Variants in ADGRL2 observed in about 807,000 individuals in gnomAD.
ADGRL2 encodes the protein adhesion G protein-coupled receptor L2.
A neutral mutation model predicts 157.4 loss-of-function variants in ADGRL2; 44 were observed. The ratio of observed to expected loss-of-function variants is 0.28; its 90% CI spans 0.22 to 0.36. The LOEUF is 0.36. Among genes scored for constraint, ADGRL2 ranks in the 10% least tolerant of loss-of-function variants. The pLI is 1.00. For synonymous variants in ADGRL2, 585 were observed against 624.7 expected (o/e 0.94, Z 0.95); for missense variants, 1,510 against 1,768.9 (o/e 0.85, Z 2.63).
At chr1:81,385,128 A>G (rs1002274089) in intron 1 of ADGRL2, among the ~76,000 whole-genome samples, 9 of 152,250 alleles carry the variant, frequency 5.9e-5, no homozygotes, top group African/African-American at 2.2e-4. Flanking sequence ...ACACCTGGAG[A>G]GAATACTTAA....
intron 1 of ADGRL2, among the ~76,000 whole-genome samples, chr1:81,429,491 G>T (rs1016749809): frequency 1.3e-5 from 2 of 152,204 alleles, no homozygotes; most frequent in Admixed American, 6.5e-5. Flanking sequence ...AAGCAGGCAC[G>T]ATTCAGCCCA....
At chr1:81,794,531 ACAAATTTTTCCC>A (rs1396851518) in intron 2 of ADGRL2, among the ~76,000 whole-genome samples, 1 of 152,220 alleles carries the variant, frequency 6.6e-6, no homozygotes, top group Non-Finnish European at 1.5e-5. Flanking sequence ...CTAACCTAAA[ACAAATTTTTCCC>A]CAAATTTTTC....
intron 4 of ADGRL2, among the ~76,000 whole-genome samples, chr1:81,939,830 G>A (rs888346586): frequency 3.3e-5 from 5 of 151,134 alleles, no homozygotes; most frequent in Non-Finnish European, 5.9e-5. Flanking sequence ...CTGTCCTTTT[G>A]ATTTTCATAA....
intron 2 of ADGRL2, among the ~76,000 whole-genome samples, chr1:81,838,983 T>C (rs709704): frequency 0.36 from 54,131 of 151,792 alleles, 10,847 homozygotes; most frequent in East Asian, 0.74. Flanking sequence ...GTTAGAACAT[T>C]GATCTAGTAT....
chr1:81,582,760 C>T (rs2080941808), intron 3 of ADGRL2, among the ~76,000 whole-genome samples: 1 of 152,152 alleles, frequency 6.6e-6, no homozygotes, highest in African/African-American at 2.4e-5. Flanking sequence ...CATGCCTTCT[C>T]ACATACCCCA....
At chr1:81,496,818 A>T (rs772277187) in intron 2 of ADGRL2, among the ~76,000 whole-genome samples, 6 of 147,918 alleles carry the variant, frequency 4.1e-5, no homozygotes, top group Non-Finnish European at 6.0e-5. Context: ...TAGATCAATT[A>T]CCCTGATGAC....
chr1:81,416,007 A>AT lies in ADGRL2; in HGVS notation c.-301-29023dup, dbSNP rs541204718. Among the ~76,000 whole-genome samples the AT allele has an allele frequency of 8.8e-4, 134 of 151,986 alleles. 1 individual carries two copies. The highest frequency in any genetic ancestry group is 3.1e-3 in the African/African-American group (127 of 41,474). ...AGGCGCCCGCCACCATGCCAGGCTA[A>AT]TTTTTTGTATTTTTAGTAGAGACCT... On this transcript the variant is annotated intron_variant, in intron 1 of 24. Transcript: ENST00000370721.
rs768609385 is a variant in ADGRL2 at position 81,981,868 on chromosome 1, G to T, written c.3174G>T (p.Gly1058=). 6.2e-7 allele frequency: 1 copy of T among 1,612,380 alleles called. No individual in the cohort carries two copies. The highest frequency in any genetic ancestry group is 8.5e-7 in the Non-Finnish European group (1 of 1,178,956). The change falls in exon 19 of 24, where the codon GGG becomes GGT. Residue 1058 remains glycine (G), a synonymous_variant. Coordinates refer to ENST00000686636, the MANE Select transcript of ADGRL2 (RefSeq NM_001366006.2). The part of the protein sequence containing the change: ...LCLLGLTWSF[G]LLFINEETIV... The stretch of plus-strand genomic sequence containing the variant: ...TTCTTGGCCTCACCTGGTCCTTTGG[G>T]TTGCTTTTTATTAATGAGGAGACTA...
intron 1 of ADGRL2, among the ~76,000 whole-genome samples, chr1:81,374,575 A>AAGGAAAAAAAAAAAAC (rs2076214887): frequency 2.1e-5 from 1 of 48,438 alleles, no homozygotes; most frequent in East Asian, 1.2e-3. Flanking sequence ...CCATCTCAAA[A>AAGGAAAAAAAAAAAAC]AAGAAAAAAA....
At chr1:81,911,450 C>T (rs1032485774) in intron 3 of ADGRL2, among the ~76,000 whole-genome samples, 8 of 152,118 alleles carry the variant, frequency 5.3e-5, no homozygotes, top group African/African-American at 1.9e-4. Flanking sequence ...AGTATTGTCT[C>T]TTTGCAGCAG....
At chr1:81,823,440 C>G (rs899415443) in intron 1 of ADGRL2, among the ~76,000 whole-genome samples, 1 of 147,666 alleles carries the variant, frequency 6.8e-6, no homozygotes, top group Admixed American at 6.9e-5. Flanking sequence ...TCCCTCTCTC[C>G]CTCCTATGTT....
intron 3 of ADGRL2, among the ~76,000 whole-genome samples, chr1:81,671,104 C>A (rs1037449483): frequency 7.2e-5 from 11 of 152,214 alleles, no homozygotes; most frequent in African/African-American, 2.7e-4. Context: ...CAGCCCTAAT[C>A]TCTTTCCACT....
At chr1:81,625,464 G>A (rs1383535781) in intron 3 of ADGRL2, among the ~76,000 whole-genome samples, 1 of 152,096 alleles carries the variant, frequency 6.6e-6, no homozygotes, top group Non-Finnish European at 1.5e-5. Flanking sequence ...CGAGTTAATG[G>A]ATAAAGAAAA....
intron 2 of ADGRL2, among the ~76,000 whole-genome samples, chr1:81,496,904 T>G (rs2078742124): frequency 6.6e-6 from 1 of 152,172 alleles, no homozygotes; most frequent in Non-Finnish European, 1.5e-5. Flanking sequence ...ATATTTTTTT[T>G]CCTTTTCTGG....
intron 17 of ADGRL2, among the ~76,000 whole-genome samples, chr1:81,973,141 ATTTG>A (rs779793322): frequency 1.9e-4 from 29 of 152,138 alleles, no homozygotes; most frequent in Non-Finnish European, 2.8e-4. Context: ...TCAAGTGTAT[ATTTG>A]TTTGTCATTA....
intron 3 of ADGRL2, among the ~76,000 whole-genome samples, chr1:81,662,908 C>A (rs1205197579): frequency 2.0e-5 from 3 of 152,064 alleles, no homozygotes; most frequent in Admixed American, 1.3e-4. Flanking sequence ...CCCCACCTTC[C>A]GCACTGCTTA....
At chr1:81,390,897 C>T (rs544665635) in intron 1 of ADGRL2, among the ~76,000 whole-genome samples, 16 of 152,408 alleles carry the variant, frequency 1.0e-4, no homozygotes, top group Admixed American at 4.6e-4. Flanking sequence ...GCCACACACA[C>T]CCATTACATT....
chr1:81,965,916 G>C (rs1386766816), intron 11 of ADGRL2, 142 bp from the exon 12 acceptor site: 4 of 843,976 alleles, frequency 4.7e-6, no homozygotes, highest in Admixed American at 5.1e-5. Flanking sequence ...TTTAGTCCAT[G>C]ATTTTTGTTG....
chr1:81,783,195 C>A (rs571051339), intron 2 of ADGRL2, among the ~76,000 whole-genome samples: 1 of 152,160 alleles, frequency 6.6e-6, no homozygotes, highest in Non-Finnish European at 1.5e-5. Context: ...GCGATCTCAG[C>A]GCATTGCAAC....
Sources: gnomAD v4.1 joint callset for allele counts (sites outside exome capture counted in the v4.1 genomes callset) on GRCh38, gnomAD v4.1.1 for gene constraint, MANE v1.5 for transcripts, NCBI Gene and HGNC (gene_info 2026-07-23, HGNC 2026-07-21) for gene names.